The following SCD5 variants were observed in gnomAD, a reference collection of about 807,000 sequenced individuals.
The protein encoded by SCD5 is stearoyl-CoA desaturase 5.
A neutral mutation model predicts 30.4 loss-of-function variants in SCD5; 20 were observed. The ratio of observed to expected loss-of-function variants is 0.66; its 90% CI spans 0.46 to 0.96. The LOEUF is 0.96. Among genes scored for constraint, SCD5 ranks in the 40% least tolerant of loss-of-function variants. SCD5 has a pLI of 0.00. For missense variants in SCD5, 381 were observed against 443.3 expected, an observed-to-expected ratio of 0.86 and a Z score of 1.26; for synonymous variants, 173 against 176.4, an observed-to-expected ratio of 0.98 and a Z score of 0.16.
In SCD5 at chr4:82,647,588, G is replaced by A. The variant is rs557448793; in HGVS notation, c.570-10765C>T. 1.1e-4 allele frequency among the ~76,000 whole-genome samples: 16 copies of A among 152,250 alleles called. No homozygotes were observed. In the East Asian group the frequency reaches 1.5e-3, roughly 15 times the overall value. On this transcript the variant is annotated intron_variant, in intron 3 of 4. Transcript: ENST00000319540. The stretch of plus-strand genomic sequence containing the variant: ...CACAACAATGTGCTCTAAAGGTTAC[G>A]TGGGTCCCTTCCTGTATTCAAGCTG...
chr4:82,663,010 G>A (rs1179922113), intron 3 of SCD5, among the ~76,000 whole-genome samples: 1 of 152,128 alleles, frequency 6.6e-6, no homozygotes, highest in Non-Finnish European at 1.5e-5. Context: ...CTATAAAATA[G>A]GATGCAGAGT....
At chr4:82,678,328 G>T (rs554798159) in intron 3 of SCD5, among the ~76,000 whole-genome samples, 67 of 152,088 alleles carry the variant, frequency 4.4e-4, no homozygotes, top group African/African-American at 1.6e-3. Context: ...ATAGTCTTTA[G>T]ACATACGTGC....
chr4:82,636,328 G>A (rs1005965042), intron 4 of SCD5, among the ~76,000 whole-genome samples: 1 of 151,850 alleles, frequency 6.6e-6, no homozygotes, highest in African/African-American at 2.4e-5. Context: ...GTGGATGCCT[G>A]TAATCCCAGC....
At chr4:82,631,841 TA>T (rs1294017637) in intron 4 of SCD5, among the ~76,000 whole-genome samples, 1 of 152,192 alleles carries the variant, frequency 6.6e-6, no homozygotes, top group Non-Finnish European at 1.5e-5. Flanking sequence ...CAACTGTTTT[TA>T]AAAAATAGTC....
At chr4:82,650,528 T>G (rs1047029065) in intron 3 of SCD5, among the ~76,000 whole-genome samples, 6 of 152,170 alleles carry the variant, frequency 3.9e-5, no homozygotes, top group African/African-American at 1.4e-4. Flanking sequence ...AAACCGCGTC[T>G]CTACAAAAAA....
chr4:82,698,581 T>C (rs1055676565), intron 2 of SCD5, among the ~76,000 whole-genome samples: 6 of 152,244 alleles, frequency 3.9e-5, no homozygotes, highest in African/African-American at 1.4e-4. Context: ...ATATCTGAAC[T>C]CTGCCTGACA....
At chr4:82,780,484 C>T (rs1489357103) in intron 1 of SCD5, among the ~76,000 whole-genome samples, 2 of 152,220 alleles carry the variant, frequency 1.3e-5, no homozygotes, top group South Asian at 2.1e-4. Flanking sequence ...TTTAATCAGA[C>T]ACCTAAATCT....
At chr4:82,723,485 A>T (rs4693050) in intron 1 of SCD5, among the ~76,000 whole-genome samples, 79,533 of 151,946 alleles carry the variant, frequency 0.52, 21,904 homozygotes, top group African/African-American at 0.69. Flanking sequence ...TTTTGCTAAA[A>T]TTTTTTCTGT....
At chr4:82,783,274 G>A (rs1449953473) in intron 1 of SCD5, among the ~76,000 whole-genome samples, 16 of 152,118 alleles carry the variant, frequency 1.1e-4, no homozygotes, top group Admixed American at 1.0e-3. Flanking sequence ...TAGGAAAAAG[G>A]TTGCCCCCAA....
At chr4:82,718,473 T>C (rs1439510162) in intron 1 of SCD5, among the ~76,000 whole-genome samples, 1 of 151,802 alleles carries the variant, frequency 6.6e-6, no homozygotes, top group African/African-American at 2.4e-5. Flanking sequence ...CAGTGGATTC[T>C]GACCAAACGT....
intron 4 of SCD5, among the ~76,000 whole-genome samples, chr4:82,634,490 C>T (rs1163145126): frequency 3.1e-5 from 4 of 128,228 alleles, no homozygotes; most frequent in Admixed American, 7.5e-5. Context: ...CCACCTCCCC[C>T]CCCCATCATT....
chr4:82,744,036 G>T (rs758736064), intron 1 of SCD5, among the ~76,000 whole-genome samples: 1 of 152,084 alleles, frequency 6.6e-6, no homozygotes, highest in Non-Finnish European at 1.5e-5. Context: ...ATGTTGCCCA[G>T]GCTGGTCTCA....
intron 1 of SCD5, among the ~76,000 whole-genome samples, chr4:82,777,285 G>T (rs1210630036): frequency 6.6e-6 from 1 of 152,130 alleles, no homozygotes; most frequent in Non-Finnish European, 1.5e-5. Flanking sequence ...TCCCCTCCTC[G>T]GCCTACTCTC....
In SCD5 at chr4:82,636,772, C is replaced by T; in HGVS notation, c.621G>A (p.Val207=). 1 of 1,614,230 alleles carries T rather than the reference C, an allele frequency of 6.2e-7. No individual in the cohort carries two copies. The highest frequency in any genetic ancestry group is 1.1e-5 in the South Asian group (1 of 91,088). ...VLMCFVVPTL[V]PWYIWGESLW... is the part of the protein sequence containing the mutation. Reference sequence around the variant, plus strand: ...GACTCTCTCCCCAGATGTACCAGGGCACCAGCGTGGGGACCACAAAGCACA... The same window carrying T: ...GACTCTCTCCCCAGATGTACCAGGGTACCAGCGTGGGGACCACAAAGCACA... The change falls in exon 4 of 5, where the codon GTG becomes GTA. Residue 207 remains valine, a synonymous_variant. Coordinates refer to ENST00000319540, the MANE Select transcript of SCD5 (RefSeq NM_001037582.3).
intron 3 of SCD5, among the ~76,000 whole-genome samples, chr4:82,665,030 A>ACT: frequency 6.9e-5 from 1 of 14,432 alleles, no homozygotes; most frequent in African/African-American, 8.2e-4. Context: ...TGTATAATAC[A>ACT]CACACACACA....
rs551419912 is a variant in SCD5, at chr4:82,792,125, T to A, written c.232+6181A>T. On this transcript the variant is annotated intron_variant, in intron 1 of 4. Coordinates refer to ENST00000319540, the MANE Select transcript of SCD5 (RefSeq NM_001037582.3). Reference sequence around the variant, plus strand: ...ATACAAAATTGGCCAGGCATGGCAGTGCATGCCTGTAATCCCAGCTACTGG... The same window carrying A: ...ATACAAAATTGGCCAGGCATGGCAGAGCATGCCTGTAATCCCAGCTACTGG... Among the ~76,000 whole-genome samples, 3 of 152,222 alleles carry A rather than the reference T, an allele frequency of 2.0e-5. No homozygotes were observed. The South Asian group carries it at 6.2e-4, about 32-fold the overall frequency.
chr4:82,711,761 G>C (rs1174503706), intron 1 of SCD5, among the ~76,000 whole-genome samples: 1 of 151,882 alleles, frequency 6.6e-6, no homozygotes, highest in African/African-American at 2.4e-5. Flanking sequence ...TGACAAGGTA[G>C]AGAATCGCTA....
chr4:82,762,856 A>G (rs1721407931), intron 1 of SCD5, among the ~76,000 whole-genome samples: 1 of 152,236 alleles, frequency 6.6e-6, no homozygotes, highest in African/African-American at 2.4e-5. Flanking sequence ...CAGAAGTTTC[A>G]ACAAAGACAG....
At chr4:82,643,887 T>C (rs1727591101) in intron 3 of SCD5, among the ~76,000 whole-genome samples, 1 of 152,232 alleles carries the variant, frequency 6.6e-6, no homozygotes, top group African/African-American at 2.4e-5. Context: ...AAGTTGCCTC[T>C]TCAGGCTGAC....
Sources: gnomAD v4.1 joint callset for allele counts (sites outside exome capture counted in the v4.1 genomes callset) on GRCh38, gnomAD v4.1.1 for gene constraint, MANE v1.5 for transcripts, NCBI Gene and HGNC (gene_info 2026-07-23, HGNC 2026-07-21) for gene names.